Variants in HYCC1 observed in about 807,000 individuals in gnomAD.
The protein encoded by HYCC1 is hyccin PI4KA lipid kinase complex subunit 1, also known as hyccin.
At chr7:22,978,234 CA>C in the HYCC1 span, 7 of 1,601,670 alleles carry the variant, frequency 4.4e-6, no homozygotes, top group African/African-American at 2.7e-5. Flanking sequence ...TTGATTTTGT[CA>C]AAAAAGATTT....
the HYCC1 span, among the ~76,000 whole-genome samples, chr7:22,953,338 G>A: frequency 0.076 from 11,473 of 151,862 alleles, 627 homozygotes; most frequent in East Asian, 0.21. Flanking sequence ...GGAGAAAGGA[G>A]GAGTGCTCAA....
the HYCC1 span, among the ~76,000 whole-genome samples, chr7:22,910,140 T>C: frequency 6.6e-6 from 1 of 152,232 alleles, no homozygotes; most frequent in African/African-American, 2.4e-5. Context: ...GTTTCAGATC[T>C]TTCTCCTCTC....
At chr7:22,994,914 G>T in the HYCC1 span, among the ~76,000 whole-genome samples, 1 of 151,952 alleles carries the variant, frequency 6.6e-6, no homozygotes, top group Non-Finnish European at 1.5e-5. Context: ...CTTCTGTTTT[G>T]CTCCCATCTC....
chr7:22,983,737 GAA>G, the HYCC1 span: 2 of 538,828 alleles, frequency 3.7e-6, no homozygotes, highest in Non-Finnish European at 6.6e-6. Context: ...TAGCGAGAGA[GAA>G]AAAGAGAGAA....
chr7:22,928,615 A>G, the HYCC1 span, among the ~76,000 whole-genome samples: 2 of 152,200 alleles, frequency 1.3e-5, no homozygotes, highest in East Asian at 3.8e-4. Flanking sequence ...AATACCTAGG[A>G]ATCCAACTTA....
chr7:22,962,585 A>G, the HYCC1 span, among the ~76,000 whole-genome samples: 1 of 151,516 alleles, frequency 6.6e-6, no homozygotes, highest in Admixed American at 6.6e-5. Flanking sequence ...TAAGAAAAAA[A>G]AAAAAAAGCA....
At chr7:22,984,599 G>A in the HYCC1 span, among the ~76,000 whole-genome samples, 1 of 152,152 alleles carries the variant, frequency 6.6e-6, no homozygotes, top group African/African-American at 2.4e-5. Context: ...GCATATGCCT[G>A]TAGTCTTGGC....
the HYCC1 span, among the ~76,000 whole-genome samples, chr7:22,989,976 T>C: frequency 3.7e-3 from 557 of 152,342 alleles, 5 homozygotes; most frequent in African/African-American, 0.013. Flanking sequence ...AAGTTTGTTG[T>C]TGAACATGTA....
the HYCC1 span, chr7:22,946,022 C>G: frequency 6.2e-7 from 1 of 1,613,706 alleles, no homozygotes; most frequent in Non-Finnish European, 8.5e-7. Context: ...GTGGTTCTTT[C>G]CTATACTTGG....
the HYCC1 span, among the ~76,000 whole-genome samples, chr7:22,995,376 A>T: frequency 0.35 from 53,328 of 151,846 alleles, 9,430 homozygotes; most frequent in East Asian, 0.47. Context: ...CCTGAAGTCT[A>T]AATTCCTAGA....
chr7:22,951,356 C>T, the HYCC1 span, among the ~76,000 whole-genome samples: 4 of 151,886 alleles, frequency 2.6e-5, no homozygotes, highest in Admixed American at 2.6e-4. Context: ...ACTCAGATTA[C>T]TTTGAGTCTA....
the HYCC1 span, among the ~76,000 whole-genome samples, chr7:22,958,481 T>C: frequency 1.3e-5 from 2 of 152,112 alleles, no homozygotes; most frequent in Non-Finnish European, 2.9e-5. Context: ...AGTGTTAGAA[T>C]TGTGAAGGGG....
At chr7:22,954,889 T>C in the HYCC1 span, among the ~76,000 whole-genome samples, 12 of 151,662 alleles carry the variant, frequency 7.9e-5, no homozygotes, top group South Asian at 2.3e-3. Context: ...AAGTATCTTG[T>C]TTATAAACAT....
chr7:22,906,156 T>A, the HYCC1 span, among the ~76,000 whole-genome samples: 1 of 152,216 alleles, frequency 6.6e-6, no homozygotes, highest in Admixed American at 6.5e-5. Context: ...TGATACTTGC[T>A]AACTCAGATC....
the HYCC1 span, among the ~76,000 whole-genome samples, chr7:22,918,579 A>T: frequency 6.6e-6 from 1 of 152,202 alleles, no homozygotes; most frequent in African/African-American, 2.4e-5. Flanking sequence ...CCAAGCCTGC[A>T]CGTATACATC....
the HYCC1 span, among the ~76,000 whole-genome samples, chr7:22,977,678 G>C: frequency 6.6e-6 from 1 of 152,182 alleles, no homozygotes; most frequent in Non-Finnish European, 1.5e-5. Context: ...AATAATCCTT[G>C]ATCTTACTCA....
At chr7:22,898,604 CTTTTTT>C in the HYCC1 span, among the ~76,000 whole-genome samples, 2 of 39,796 alleles carry the variant, frequency 5.0e-5, no homozygotes, top group African/African-American at 8.1e-5. Flanking sequence ...CTTTTCTTTT[CTTTTTT>C]TTTTTTTTTT....
At chr7:22,975,409 A>G in the HYCC1 span, among the ~76,000 whole-genome samples, 1 of 152,152 alleles carries the variant, frequency 6.6e-6, no homozygotes, top group East Asian at 1.9e-4. Context: ...TTAAATCAGG[A>G]TTTTTAAAAT....
the HYCC1 span, among the ~76,000 whole-genome samples, chr7:23,002,274 C>A: frequency 6.6e-6 from 1 of 150,976 alleles, no homozygotes; most frequent in South Asian, 2.1e-4. Context: ...CAGCAACTAC[C>A]ACAGCAATGG....
Sources: allele counts gnomAD v4.1 joint callset (sites outside exome capture counted in the v4.1 genomes callset), GRCh38; gene constraint gnomAD v4.1.1; transcripts MANE v1.5; gene names NCBI Gene and HGNC (gene_info 2026-07-23, HGNC 2026-07-21).